ZFHX4: variants seen among roughly 807,000 people sequenced by gnomAD.
The protein encoded by ZFHX4 is zinc finger homeobox protein 4.
A neutral mutation model predicts 267.6 loss-of-function variants in ZFHX4; 56 were observed. The observed-to-expected ratio is 0.21, with a 90% confidence interval of 0.17 to 0.26. The LOEUF (loss-of-function observed/expected upper bound fraction) is 0.26. ZFHX4 is among the 10% of genes least tolerant of loss of function. The pLI, the probability that ZFHX4 is intolerant of heterozygous loss-of-function variation, is 1.00. For missense variants in ZFHX4, 4,332 were observed against 4,420.0 expected, an observed-to-expected ratio of 0.98 and a Z score of 0.56; for synonymous variants, 1,778 against 1,665.6, an observed-to-expected ratio of 1.07 and a Z score of -1.64.
At chr8:76,720,253 G>T (rs555565034) in intron 3 of ZFHX4, among the ~76,000 whole-genome samples, 2 of 152,038 alleles carry the variant, frequency 1.3e-5, no homozygotes, top group African/African-American at 4.8e-5. Flanking sequence ...ATTTCATATA[G>T]ATGGAATCAT....
In ZFHX4 at chr8:76,704,914, C is replaced by T. The variant is rs372636732; in HGVS notation, c.826C>T (p.Pro276Ser). Reference sequence around the variant, plus strand: ...TTGTGTTAGCGATGGGAAAAGGAAACCTGTTTTAATGTGTTTCTTGTGCAA... The same window carrying T: ...TTGTGTTAGCGATGGGAAAAGGAAATCTGTTTTAATGTGTTTCTTGTGCAA... ...DGCVSDGKRK[P>S]VLMCFLCKLS... is the part of the protein sequence containing the mutation. Residue 276 changes from proline to serine, a missense_variant, in exon 2 of 11, where the codon CCT becomes TCT. Pro to Ser is a moderately conservative substitution (Grantham distance 74, BLOSUM62 -1). Around this residue, in one of 7 missense-constraint regions of ZFHX4, gnomAD observed 1,195 missense variants for 1,173.6 expected, o/e 1.02. Transcript: ENST00000651372. 9.3e-6 allele frequency: 15 copies of T among 1,613,946 alleles called. No individual in the cohort carries two copies. Among genetic ancestry groups the T allele is most frequent in the Non-Finnish European group, 1.3e-5 (15 of 1,179,972 alleles).
intron 4 of ZFHX4, among the ~76,000 whole-genome samples, chr8:76,815,200 G>T (rs994820310): frequency 6.6e-6 from 1 of 152,124 alleles, no homozygotes; most frequent in African/African-American, 2.4e-5. Flanking sequence ...AGTATTAAGG[G>T]TTATGCAAAT....
intron 4 of ZFHX4, among the ~76,000 whole-genome samples, chr8:76,802,545 G>A (rs1811141710): frequency 6.6e-6 from 1 of 152,156 alleles, no homozygotes. Flanking sequence ...TGAAAAGAAA[G>A]AGGGTTTTGT....
At chr8:76,754,566 A>G (rs1203262681) in intron 3 of ZFHX4, among the ~76,000 whole-genome samples, 2 of 152,026 alleles carry the variant, frequency 1.3e-5, no homozygotes, top group East Asian at 3.9e-4. Flanking sequence ...CTTTTACTTT[A>G]GTTTATAGAT....
intron 4 of ZFHX4, 57 bp from the exon 5 acceptor site, chr8:76,833,281 T>A: frequency 6.7e-7 from 1 of 1,490,540 alleles, no homozygotes; most frequent in South Asian, 1.2e-5. Flanking sequence ...ATATTAGCCA[T>A]GATGAGAGAG....
intron 7 of ZFHX4, 59 bp from the exon 8 acceptor site, chr8:76,849,453 A>C (rs766043156): frequency 5.1e-4 from 736 of 1,455,198 alleles, no homozygotes; most frequent in Non-Finnish European, 6.6e-4. Context: ...TACAACTACT[A>C]TGTATCAAAT....
intron 3 of ZFHX4, among the ~76,000 whole-genome samples, chr8:76,753,761 A>T (rs1809687942): frequency 6.6e-6 from 1 of 151,006 alleles, no homozygotes; most frequent in Non-Finnish European, 1.5e-5. Context: ...AGTAGCTAGG[A>T]CTAGAGGCAT....
At chr8:76,686,621 C>G (rs1807699018) in intron 1 of ZFHX4, among the ~76,000 whole-genome samples, 1 of 151,962 alleles carries the variant, frequency 6.6e-6, no homozygotes, top group African/African-American at 2.4e-5. Context: ...CTCCTTTTCC[C>G]TTTCCTACTT....
chr8:76,754,581 A>C (rs2131715602), intron 3 of ZFHX4, among the ~76,000 whole-genome samples: 1 of 152,222 alleles, frequency 6.6e-6, no homozygotes, highest in African/African-American at 2.4e-5. Context: ...ATAGATAATA[A>C]TTATACCTAT....
At chr8:76,843,679 G>A (rs1812295280) in intron 6 of ZFHX4, among the ~76,000 whole-genome samples, 1 of 152,108 alleles carries the variant, frequency 6.6e-6, no homozygotes, top group African/African-American at 2.4e-5. Flanking sequence ...ACGGGTTCAA[G>A]CCTATTAGTT....
Position 76,850,004 on chromosome 8 carries a change from A to T in ZFHX4, c.3847-241A>T, listed in dbSNP as rs1268348062. 5 of 571,526 alleles carry T rather than the reference A, an allele frequency of 8.7e-6. No individual in the cohort carries two copies. In the Admixed American group the frequency reaches 1.6e-4, roughly 19 times the overall value. 35.4% of individuals were successfully genotyped at this position (571,526 alleles called of 1,614,324 possible). A position where few individuals can be genotyped will look rare whatever the true frequency, so the allele number is the denominator to read the frequency against. ...GCACCTTGCATTTCAAACTTGCTTC[A>T]TTATCATTATAAAAAAATAAACCTA... On this transcript the variant is annotated intron_variant, in intron 8 of 10. Coordinates refer to ENST00000651372, the MANE Select transcript of ZFHX4 (RefSeq NM_024721.5).
intron 3 of ZFHX4, among the ~76,000 whole-genome samples, chr8:76,773,997 A>G (rs545287759): frequency 1.4e-4 from 22 of 152,234 alleles, no homozygotes; most frequent in Admixed American, 1.1e-3. Flanking sequence ...AAAGTGGCCC[A>G]CTTTTGGACC....
At chr8:76,816,525 A>T (rs777577709) in intron 4 of ZFHX4, among the ~76,000 whole-genome samples, 6 of 150,140 alleles carry the variant, frequency 4.0e-5, no homozygotes, top group Admixed American at 1.3e-4. Context: ...TCCTAGCCAG[A>T]TATGGCTCTT....
At chr8:76,765,424 A>G (rs1006432978) in intron 3 of ZFHX4, among the ~76,000 whole-genome samples, 1 of 152,162 alleles carries the variant, frequency 6.6e-6, no homozygotes, top group Non-Finnish European at 1.5e-5. Flanking sequence ...AGCTTGGTTT[A>G]TGCCTCTTTT....
chr8:76,799,503 T>C (rs1282558905), intron 4 of ZFHX4, among the ~76,000 whole-genome samples: 3 of 152,164 alleles, frequency 2.0e-5, no homozygotes, highest in Non-Finnish European at 4.4e-5. Flanking sequence ...ATCAGACCTA[T>C]TGATGGAGAT....
chr8:76,866,965 A>C lies in ZFHX4; in HGVS notation c.*2400A>C, dbSNP rs1287555235. The C allele has an allele frequency of 6.6e-6, 1 of 152,606 alleles. No homozygotes were observed. The highest frequency in any genetic ancestry group is 1.5e-5 in the Non-Finnish European group (1 of 68,034). The allele number at this position is 152,606 out of a possible 1,614,324, so 9.5% of individuals were successfully genotyped here. On this transcript the variant is annotated 3_prime_UTR_variant, in exon 11 of 11. Transcript: ENST00000651372. ...CATGTACTCTCAACGCCTGGGTTAC[A>C]TAGGAAATGCACCCTGAGGTTTTAA... is the stretch of plus-strand genomic sequence containing the variant.
At chr8:76,695,138 C>T (rs958536095) in intron 1 of ZFHX4, among the ~76,000 whole-genome samples, 4 of 152,118 alleles carry the variant, frequency 2.6e-5, no homozygotes, top group African/African-American at 9.6e-5. Flanking sequence ...AGGTGGGGGT[C>T]ATGAGGATAG....
chr8:76,809,118 A>G (rs1463488534), intron 4 of ZFHX4, among the ~76,000 whole-genome samples: 4 of 152,154 alleles, frequency 2.6e-5, no homozygotes, highest in Non-Finnish European at 5.9e-5. Flanking sequence ...TGTGATTGCA[A>G]TTTGAAAAAG....
chr8:76,745,806 A>G (rs974546795), intron 3 of ZFHX4, among the ~76,000 whole-genome samples: 1 of 152,216 alleles, frequency 6.6e-6, no homozygotes, highest in Admixed American at 6.5e-5. Flanking sequence ...AAGCTTTGGG[A>G]TAGCATAATT....
Sources: allele counts gnomAD v4.1 joint callset (sites outside exome capture counted in the v4.1 genomes callset), GRCh38; gene constraint gnomAD v4.1.1; regional missense constraint gnomAD v4.1.1; transcripts MANE v1.5; gene names NCBI Gene and HGNC (gene_info 2026-07-23, HGNC 2026-07-21).